Variants in C7 observed in about 807,000 individuals in gnomAD.
C7 encodes the protein complement C7, also known as complement component C7.
Under a neutral mutation model 104.8 loss-of-function variants are expected in C7, and 83 were observed. The ratio of observed to expected loss-of-function variants is 0.79; its 90% CI spans 0.66 to 0.95. The LOEUF (loss-of-function observed/expected upper bound fraction) is 0.95, where lower values mean the gene tolerates loss of function less well. Ranked by LOEUF, C7 falls within the 40% of genes least tolerant of loss-of-function variation. The pLI, the probability that C7 is intolerant of heterozygous loss-of-function variation, is 0.00. For synonymous variants in C7, 415 were observed against 360.6 expected (o/e 1.15, Z -1.71); for missense variants, 1,070 against 1,011.2 (o/e 1.06, Z -0.79).
At chr5:40,959,349 A>G in intron 11 of C7, 100 bp from the exon 12 acceptor site, 1 of 1,055,870 alleles carries the variant, frequency 9.5e-7, no homozygotes, top group Middle Eastern at 3.1e-4. Flanking sequence ...AATATCCAGA[A>G]TGATCTCTTC....
intron 14 of C7, 47 bp from the exon 15 acceptor site, chr5:40,972,356 G>T (rs748627047): frequency 6.6e-7 from 1 of 1,522,364 alleles, no homozygotes; most frequent in South Asian, 1.1e-5. Flanking sequence ...TAAAAAGATG[G>T]TTTAGGAGAG....
At chr5:40,974,254 T>A (rs1740765073) in intron 15 of C7, among the ~76,000 whole-genome samples, 1 of 152,188 alleles carries the variant, frequency 6.6e-6, no homozygotes, top group African/African-American at 2.4e-5. Context: ...GGAATAAATT[T>A]GCTTTTAAAA....
At chr5:40,954,968 C>G in intron 9 of C7, 2 of 227,776 alleles carry the variant, frequency 8.8e-6, no homozygotes, top group Non-Finnish European at 1.7e-5. Context: ...GTTCACAGCA[C>G]AATTGAGTGC....
intron 8 of C7, among the ~76,000 whole-genome samples, chr5:40,949,445 T>C (rs1740119748): frequency 6.6e-6 from 1 of 151,754 alleles, no homozygotes; most frequent in Admixed American, 6.6e-5. Context: ...GAAGGAGATG[T>C]TGGAAGTCAC....
Position 40,972,412 on chromosome 5 carries a change from G to A in C7, c.1892G>A (p.Cys631Tyr), listed in dbSNP as rs1471686192. Reference protein sequence around the residue: ...VGEMHCQKIACVLPVLMDGIQ... With the variant: ...VGEMHCQKIAYVLPVLMDGIQ... ...TCTCTTTTATCTTTAGAAATTGCCT[G>A]TGTTCTACCTGTACTGATGGATGGC... Residue 631 changes from cysteine (C) to tyrosine (Y), a missense_variant, in exon 15 of 18, where the codon TGT (cysteine) becomes TAT (tyrosine). By Grantham distance (194) the Cys-to-Tyr change is radical. Coordinates refer to ENST00000313164, the MANE Select transcript of C7 (RefSeq NM_000587.4). 1 of 1,613,772 alleles carries A rather than the reference G, an allele frequency of 6.2e-7. No individual in the cohort carries two copies. The highest frequency in any genetic ancestry group is 8.5e-7 in the Non-Finnish European group (1 of 1,179,718).
At chr5:40,955,257 C>A in intron 9 of C7, 130 bp from the exon 10 acceptor site, 1 of 808,222 alleles carries the variant, frequency 1.2e-6, no homozygotes, top group East Asian at 2.6e-5. Context: ...TCATCCCTCC[C>A]TTCTTTCTGA....
At chr5:40,969,827 G>A (rs1421821714) in intron 14 of C7, among the ~76,000 whole-genome samples, 1 of 151,428 alleles carries the variant, frequency 6.6e-6, no homozygotes, top group Admixed American at 6.6e-5. Context: ...AAATGTAAAT[G>A]TAATCACCAC....
In C7 at chr5:40,973,906, T is replaced by C. The variant is rs79000693; in HGVS notation, c.2074+1312T>C. Among the ~76,000 whole-genome samples the C allele has an allele frequency of 4.9e-3, 748 of 152,306 alleles. 8 individuals are homozygous for C. Among genetic ancestry groups the C allele is most frequent in the African/African-American group, 0.017 (720 of 41,564 alleles). On this transcript the variant is annotated intron_variant, in intron 15 of 17. Coordinates refer to ENST00000313164, the MANE Select transcript of C7 (RefSeq NM_000587.4). ...TTAAAGTGGGTTTTAATTAAGGATGTTTTTCAGATCTGTGTGTTTTTCTGA... is the reference window on the plus strand; with the variant it reads ...TTAAAGTGGGTTTTAATTAAGGATGCTTTTCAGATCTGTGTGTTTTTCTGA...
At chr5:40,920,961 A>G (rs1739425559) in intron 1 of C7, among the ~76,000 whole-genome samples, 1 of 151,632 alleles carries the variant, frequency 6.6e-6, no homozygotes, top group African/African-American at 2.4e-5. Context: ...AGGCAGGAGA[A>G]TTGCTTGAAC....
At chr5:40,952,153 G>A (rs148091075) in intron 9 of C7, among the ~76,000 whole-genome samples, 28 of 152,320 alleles carry the variant, frequency 1.8e-4, no homozygotes, top group African/African-American at 2.4e-4. Flanking sequence ...CAAACACAGG[G>A]CACCTACTGT....
At chr5:40,952,478 T>TTTTATTTATTTATTTATTTATTTATTTA (rs147016821) in intron 9 of C7, among the ~76,000 whole-genome samples, 33 of 149,310 alleles carry the variant, frequency 2.2e-4, no homozygotes, top group South Asian at 4.3e-4. Context: ...CTGTAATTCT[T>TTTTATTTATTTATTTATTTATTTATTTA]TTTATTTATT....
chr5:40,965,712 G>A (rs955831087), intron 14 of C7, among the ~76,000 whole-genome samples: 7 of 149,780 alleles, frequency 4.7e-5, no homozygotes, highest in African/African-American at 1.7e-4. Flanking sequence ...TGCCATCTTG[G>A]CTCACTGCAA....
At chr5:40,964,708 C>T in intron 13 of C7, 33 bp from the exon 14 acceptor site, 1 of 1,598,766 alleles carries the variant, frequency 6.3e-7, no homozygotes, top group Non-Finnish European at 8.6e-7. Context: ...AATAGACAAA[C>T]TCTTTCCTTT....
chr5:40,911,917 T>A (rs1390451956), intron 1 of C7, among the ~76,000 whole-genome samples: 1 of 151,434 alleles, frequency 6.6e-6, no homozygotes, highest in East Asian at 1.9e-4. Context: ...TTTTGTATTT[T>A]TTTTTTTTTT....
At position 40,909,505 on chromosome 5, in the gene C7, G is replaced by T; in HGVS notation, c.-106G>T. 1.4e-6 allele frequency: 1 copy of T among 731,222 alleles called. No individual in the cohort carries two copies. The highest frequency in any genetic ancestry group is 2.3e-6 in the Non-Finnish European group (1 of 431,770). 45.3% of individuals were successfully genotyped at this position (731,222 alleles called of 1,614,324 possible). On this transcript the variant is annotated 5_prime_UTR_variant, in exon 1 of 18. Coordinates refer to ENST00000313164, the MANE Select transcript of C7 (RefSeq NM_000587.4). ...CCAAGATAATCTAGAGCAGGGAGAGGCAGAGAGGCAGGCAGCCTGCTGGGC... is the reference window on the plus strand; with the variant it reads ...CCAAGATAATCTAGAGCAGGGAGAGTCAGAGAGGCAGGCAGCCTGCTGGGC...
intron 7 of C7, 28 bp downstream of exon 7, chr5:40,945,396 C>G: frequency 2.7e-6 from 4 of 1,486,596 alleles, no homozygotes; most frequent in Non-Finnish European, 3.6e-6. Flanking sequence ...GTTAACTTTT[C>G]CATGTTTTAC....
At chr5:40,928,998 G>A (rs533245416) in intron 2 of C7, among the ~76,000 whole-genome samples, 1 of 152,226 alleles carries the variant, frequency 6.6e-6, no homozygotes, top group Admixed American at 6.5e-5. Flanking sequence ...GGATTTTAAA[G>A]GTTGAGAGTT....
intron 15 of C7, among the ~76,000 whole-genome samples, chr5:40,975,742 T>C (rs550023672): frequency 6.6e-6 from 1 of 152,346 alleles, no homozygotes; most frequent in East Asian, 1.9e-4. Flanking sequence ...CCATCATTTT[T>C]ACAGGTTTAT....
chr5:40,972,887 T>C (rs1020915943), intron 15 of C7, among the ~76,000 whole-genome samples: 6 of 152,226 alleles, frequency 3.9e-5, no homozygotes, highest in Admixed American at 2.6e-4. Context: ...ATAAAGGATT[T>C]TTAAAATCTG....
Sources: gnomAD v4.1 joint callset for allele counts (sites outside exome capture counted in the v4.1 genomes callset) on GRCh38, gnomAD v4.1.1 for gene constraint, MANE v1.5 for transcripts, NCBI Gene and HGNC (gene_info 2026-07-23, HGNC 2026-07-21) for gene names.